NAV1: variants seen among roughly 807,000 people sequenced by gnomAD.
NAV1 encodes the protein pore membrane and/or filament interacting like protein 3.
NAV1 carries 18 observed loss-of-function variants against 175.2 expected under a neutral mutation model. The observed-to-expected ratio is 0.10, with a 90% CI of 0.07 to 0.15. NAV1 has a LOEUF of 0.15. Ranked by LOEUF, NAV1 falls within the 10% of genes least tolerant of loss-of-function variation. NAV1 has a pLI of 1.00. For synonymous variants in NAV1, 897 were observed against 978.7 expected, an observed-to-expected ratio of 0.92 and a Z score of 1.56; for missense variants, 1,731 against 2,436.6, an observed-to-expected ratio of 0.71 and a Z score of 6.10.
At chr1:201,586,524 CA>C (rs1387439423) in intron 1 of NAV1, among the ~76,000 whole-genome samples, 1 of 152,008 alleles carries the variant, frequency 6.6e-6, no homozygotes, top group Non-Finnish European at 1.5e-5. Context: ...TCTGGAAGTC[CA>C]AAATCAAGGG....
At position 201,788,635 on chromosome 1, in the gene NAV1, G is replaced by A. The variant is rs1327459970; in HGVS notation, c.3163G>A (p.Asp1055Asn). The A allele has an allele frequency of 1.6e-5, 26 of 1,610,132 alleles. 1 individual carries two copies. Among genetic ancestry groups the A allele is most frequent in the Middle Eastern group, 1.6e-4 (1 of 6,074 alleles). ...AGGATCCTTCCGAGACCCCACGGAC[G>A]ATGGTGAGACTTCATGCTAGCGCGG... is the stretch of plus-strand genomic sequence containing the variant. The change falls in exon 10 of 30, where the codon GAT (aspartate) becomes AAT (asparagine). Residue 1055 changes from aspartate (D) to asparagine (N), a missense_variant. Around this residue, in one of 13 missense-constraint regions of NAV1, gnomAD observed 85 missense variants for 168.7 expected, o/e 0.50. Coordinates refer to ENST00000367296, the Ensembl canonical transcript of NAV1. The surrounding 1 kb of genome is among the most constrained non-coding windows in gnomAD (Gnocchi z 5.7).
At chr1:201,674,493 C>A (rs1216942337) in intron 1 of NAV1, among the ~76,000 whole-genome samples, 1 of 152,080 alleles carries the variant, frequency 6.6e-6, no homozygotes, top group East Asian at 1.9e-4. Flanking sequence ...GTATGTTAGG[C>A]CATTCTTGCG....
intron 12 of NAV1, 44 bp from the exon 17 acceptor site, chr1:201,790,645 A>G (rs1302300612): frequency 6.2e-7 from 1 of 1,613,824 alleles, no homozygotes; most frequent in South Asian, 1.1e-5. Flanking sequence ...CAAATCTTAT[A>G]CAGCTTCTGC....
At chr1:201,642,561 C>T (rs1324012619) in intron 2 of NAV1, among the ~76,000 whole-genome samples, 4,913 of 92,252 alleles carry the variant, frequency 0.053, 211 homozygotes, top group Non-Finnish European at 0.069. Flanking sequence ...TTCTTTTTTC[C>T]CTTTCTTCCC....
chr1:201,696,402 G>A (rs1008214596), intron 1 of NAV1, among the ~76,000 whole-genome samples: 8 of 152,208 alleles, frequency 5.3e-5, no homozygotes, highest in Non-Finnish European at 1.2e-4. Flanking sequence ...AGGTTCTTCC[G>A]AGGCCAGAAG....
At chr1:201,734,423 G>A (rs1309748286) in intron 3 of NAV1, among the ~76,000 whole-genome samples, 1 of 145,242 alleles carries the variant, frequency 6.9e-6, no homozygotes, top group East Asian at 2.0e-4. Context: ...AAGAAAAAAA[G>A]AAGAAGAAGA....
chr1:201,549,140 TTTC>T lies in NAV1; in HGVS notation c.-144+9804_-144+9806del, dbSNP rs879547436. Among the ~76,000 whole-genome samples the T allele has an allele frequency of 1.6e-3, 217 of 139,414 alleles. 1 individual carries two copies. The highest frequency in any genetic ancestry group is 3.8e-3 in the Middle Eastern group (1 of 266). 91.5% of individuals were successfully genotyped at this position (139,414 alleles called of 152,430 possible). A position where few individuals can be genotyped will look rare whatever the true frequency, so the allele number is the denominator to read the frequency against. ...CTTTCTTTCTTTCTTTCTTTCTTTCTTTCTTCTTTCTCTCTCTCTCTTTCTTTC... is the reference window on the plus strand; with the variant it reads ...CTTTCTTTCTTTCTTTCTTTCTTTCTTTCTTTCTCTCTCTCTCTTTCTTTC... On this transcript the variant is annotated intron_variant, in intron 1 of 33. Transcript: ENST00000685211.
chr1:201,720,055 G>A (rs1015036784), intron 3 of NAV1, among the ~76,000 whole-genome samples: 8 of 152,318 alleles, frequency 5.3e-5, no homozygotes, highest in Admixed American at 1.3e-4. Flanking sequence ...GCCCAACCTC[G>A]CGCTCACGCT....
rs558536273 is a variant in NAV1, at chr1:201,701,406, G to A, written c.758-11411G>A. Among the ~76,000 whole-genome samples the A allele has an allele frequency of 6.3e-3, 759 of 120,306 alleles. 9 individuals carry two copies. Among genetic ancestry groups the A allele is most frequent in the African/African-American group, 0.02 (697 of 34,910 alleles). The allele number at this position is 120,306 out of a possible 152,430, so 78.9% of individuals were successfully genotyped here. A position where few individuals can be genotyped will look rare whatever the true frequency, so the allele number is the denominator to read the frequency against. On this transcript the variant is annotated intron_variant, in intron 1 of 29. Coordinates refer to ENST00000367296, the Ensembl canonical transcript of NAV1. The stretch of plus-strand genomic sequence containing the variant: ...GTGCACATGTACCCTAGAACTTAAA[G>A]TATAATAAAAAAAATAAAAAAAGAA...
intron 9 of NAV1, 146 bp downstream of exon 13, chr1:201,786,723 C>A: frequency 2.5e-6 from 2 of 801,518 alleles, no homozygotes; most frequent in Non-Finnish European, 3.8e-6. Context: ...TTTATCCACC[C>A]AAAGTAAGAT....
rs1674020640 is a variant in NAV1 at position 201,750,282 on chromosome 1, GA to G, written c.1227-30134del. ...CCTTCCCTGGAAGTCTCCCAAAGCA[GA>G]AAAACACCCATTTGCGTGGATGACT... is the stretch of plus-strand genomic sequence containing the variant. On this transcript the variant is annotated intron_variant, in intron 3 of 29. Transcript: ENST00000367296. This position sits in a 1 kb window ranked among gnomAD's most constrained non-coding sequence, Gnocchi z 4.1. Among the ~76,000 whole-genome samples the G allele has an allele frequency of 6.6e-6, 1 of 152,164 alleles. No homozygotes were observed. The highest frequency in any genetic ancestry group is 2.4e-5 in the African/African-American group (1 of 41,418).
chr1:201,701,385 A>T (rs958035549), intron 1 of NAV1, among the ~76,000 whole-genome samples: 7 of 151,508 alleles, frequency 4.6e-5, no homozygotes, highest in African/African-American at 4.8e-5. Context: ...CACATTGTGC[A>T]CATGTACCCT....
intron 1 of NAV1, among the ~76,000 whole-genome samples, chr1:201,550,010 C>CAAAAAAAAAA (rs1186985996): frequency 5.7e-5 from 1 of 17,698 alleles, no homozygotes; most frequent in African/African-American, 2.0e-4. Context: ...GACTCCATCT[C>CAAAAAAAAAA]AAAAAAAAAA....
exon 30 of NAV1, chr1:201,824,276 G>C (rs1679550064): frequency 6.6e-6 from 1 of 152,138 alleles, no homozygotes; most frequent in Non-Finnish European, 1.5e-5. Context: ...TTTGCAGAGG[G>C]TTTATTAATA....
chr1:201,744,534 G>A (rs1462061492), intron 3 of NAV1, among the ~76,000 whole-genome samples: 1 of 152,042 alleles, frequency 6.6e-6, no homozygotes. Context: ...TTCAAACCAT[G>A]AGAAATATGA....
intron 1 of NAV1, among the ~76,000 whole-genome samples, chr1:201,663,308 G>T (rs535108439): frequency 6.6e-6 from 1 of 152,222 alleles, no homozygotes; most frequent in Admixed American, 6.5e-5. Flanking sequence ...TCAACAGACC[G>T]TGAGATGTGG....
At chr1:201,672,555 T>C (rs1045191329) in intron 1 of NAV1, among the ~76,000 whole-genome samples, 2 of 152,326 alleles carry the variant, frequency 1.3e-5, no homozygotes, top group Non-Finnish European at 2.9e-5. Flanking sequence ...GTAGATGTTA[T>C]TGTGATCATC....
Position 201,809,150 on chromosome 1 carries a change from T to C in NAV1, c.4208-14T>C. 1.2e-6 allele frequency: 2 copies of C among 1,613,232 alleles called. No homozygotes were observed. The highest frequency in any genetic ancestry group is 1.7e-6 in the Non-Finnish European group (2 of 1,179,214). ...GTACTCCTAAAACCAGTTGGTTCTT[T>C]TCAATCCCCACAGACCTGTCACCCA... On this transcript the variant is annotated splice_polypyrimidine_tract_variant and intron_variant, in intron 20 of 29. Transcript: ENST00000367296.
intron 2 of NAV1, among the ~76,000 whole-genome samples, chr1:201,602,056 G>C (rs551823542): frequency 6.6e-6 from 1 of 152,050 alleles, no homozygotes; most frequent in African/African-American, 2.4e-5. Context: ...ACCCACCAGA[G>C]AGAATGGTTT....
Sources: allele counts gnomAD v4.1 joint callset (sites outside exome capture counted in the v4.1 genomes callset), GRCh38; gene constraint gnomAD v4.1.1; regional missense constraint gnomAD v4.1.1; non-coding constraint Gnocchi (gnomAD v3.1); transcripts MANE v1.5; gene names NCBI Gene and HGNC (gene_info 2026-07-23, HGNC 2026-07-21).